MSR1: variants seen among roughly 807,000 people sequenced by gnomAD.
MSR1 encodes macrophage scavenger receptor 1.
MSR1 carries 53 observed loss-of-function variants against 47.2 expected under a neutral mutation model. That is an observed-to-expected ratio of 1.12 (90% confidence interval 0.90 to 1.41). The LOEUF (loss-of-function observed/expected upper bound fraction) is 1.41, where lower values mean the gene tolerates loss of function less well. Among genes scored for constraint, MSR1 ranks in the 40% most tolerant of loss-of-function variants. The pLI, the probability that MSR1 is intolerant of heterozygous loss-of-function variation, is 0.00. For synonymous variants in MSR1, 239 were observed against 185.6 expected (o/e 1.29, Z -2.34); for missense variants, 786 against 546.9 (o/e 1.44, Z -4.36).
chr8:16,170,347 CA>C (rs11300796), intron 3 of MSR1, among the ~76,000 whole-genome samples: 89,971 of 144,106 alleles, frequency 0.62, 27,622 homozygotes, highest in East Asian at 0.97. Flanking sequence ...GATTCCATCT[CA>C]AAAAAAAAAA....
intron 8 of MSR1, among the ~76,000 whole-genome samples, chr8:16,131,783 A>G (rs1198997483): frequency 1.3e-5 from 2 of 151,890 alleles, no homozygotes; most frequent in East Asian, 1.9e-4. Context: ...TCAAAGATCA[A>G]ATAGTTGTAG....
At chr8:16,117,396 C>T (rs1000229133) in intron 9 of MSR1, among the ~76,000 whole-genome samples, 15 of 152,168 alleles carry the variant, frequency 9.9e-5, no homozygotes, top group African/African-American at 2.6e-4. Flanking sequence ...AGAGGTGTGA[C>T]GGCACAGAGA....
At position 16,129,536 on chromosome 8, in the gene MSR1, A is replaced by T. The variant is rs113146193; in HGVS notation, c.1034-8930T>A. 2.9e-3 allele frequency among the ~76,000 whole-genome samples: 448 copies of T among 152,168 alleles called. 4 individuals carry two copies. Among genetic ancestry groups the T allele is most frequent in the African/African-American group, 9.5e-3 (393 of 41,536 alleles). ...CAAGGCAGGCAGATCATTTGAGTTT[A>T]GCAGTTAGAGACCAGCCTGGGCAAG... On this transcript the variant is annotated intron_variant, in intron 8 of 9. Transcript: ENST00000262101.
At chr8:16,136,026 G>A (rs1800380876) in intron 8 of MSR1, among the ~76,000 whole-genome samples, 1 of 152,162 alleles carries the variant, frequency 6.6e-6, no homozygotes. Context: ...ACCTACTCCT[G>A]AAGGGAAGAT....
intron 3 of MSR1, among the ~76,000 whole-genome samples, chr8:16,173,299 G>C (rs1217684676): frequency 1.3e-5 from 2 of 152,212 alleles, no homozygotes; most frequent in African/African-American, 4.8e-5. Flanking sequence ...CTCTGCACGA[G>C]CCTATCAGAA....
chr8:16,126,426 G>C (rs1254691004), intron 8 of MSR1, among the ~76,000 whole-genome samples: 2 of 151,968 alleles, frequency 1.3e-5, no homozygotes. Context: ...TTATTACAAT[G>C]GTAGTTATGA....
chr8:16,150,334 A>G, intron 6 of MSR1, 23 bp from the exon 7 acceptor site: 1 of 1,441,472 alleles, frequency 6.9e-7, no homozygotes, highest in Non-Finnish European at 9.5e-7. Context: ...CGAAGAAAAA[A>G]AGAAGGTAAT....
chr8:16,168,348 C>G, intron 4 of MSR1, 110 bp downstream of exon 4: 2 of 1,051,200 alleles, frequency 1.9e-6, no homozygotes, highest in South Asian at 2.7e-5. Flanking sequence ...TCAGGGTAAA[C>G]AGGATGATGA....
intron 1 of MSR1, among the ~76,000 whole-genome samples, chr8:16,183,527 C>T (rs187809133): frequency 6.9e-6 from 1 of 144,188 alleles, no homozygotes; most frequent in Non-Finnish European, 1.5e-5. Flanking sequence ...ACATCTATAA[C>T]ATGTAATACA....
chr8:16,126,344 T>C (rs1219196415), intron 8 of MSR1, among the ~76,000 whole-genome samples: 2 of 152,316 alleles, frequency 1.3e-5, no homozygotes, highest in East Asian at 3.9e-4. Flanking sequence ...TAACAGTTAT[T>C]ATCCTATTGT....
rs149060345 is a variant in MSR1 at position 16,131,761 on chromosome 8, T to G, written c.1034-11155A>C. Among the ~76,000 whole-genome samples the G allele has an allele frequency of 2.9e-3, 446 of 152,188 alleles. 1 individual carries two copies. Among genetic ancestry groups the G allele is most frequent in the African/African-American group, 0.01 (423 of 41,532 alleles). Reference sequence around the variant, plus strand: ...GGAGTCCTTTTCCTATTGCTTGTTTTTATCGGCTTTGTCAAAGATCAAATA... The same window carrying G: ...GGAGTCCTTTTCCTATTGCTTGTTTGTATCGGCTTTGTCAAAGATCAAATA... On this transcript the variant is annotated intron_variant, in intron 8 of 9. Transcript: ENST00000262101.
chr8:16,158,181 A>G (rs1047046809), intron 5 of MSR1, among the ~76,000 whole-genome samples: 1 of 151,978 alleles, frequency 6.6e-6, no homozygotes. Context: ...AATTTACATT[A>G]TTTTTCATCT....
At chr8:16,152,533 G>A (rs1042559816) in intron 6 of MSR1, among the ~76,000 whole-genome samples, 4 of 152,084 alleles carry the variant, frequency 2.6e-5, no homozygotes, top group African/African-American at 9.7e-5. Flanking sequence ...ACTGGTTGAT[G>A]ATGAAAAGTT....
intron 1 of MSR1, among the ~76,000 whole-genome samples, chr8:16,188,547 G>A (rs889152319): frequency 1.3e-5 from 2 of 151,980 alleles, no homozygotes; most frequent in African/African-American, 4.8e-5. Context: ...AGAACGTGCA[G>A]GTTTGCTACA....
chr8:16,184,311 A>T (rs1801930485), intron 1 of MSR1, among the ~76,000 whole-genome samples: 3 of 152,100 alleles, frequency 2.0e-5, no homozygotes, highest in Admixed American at 1.3e-4. Context: ...TACAACAGGC[A>T]AAAAAGGCTT....
intron 3 of MSR1, among the ~76,000 whole-genome samples, chr8:16,172,694 T>A (rs927679621): frequency 1.3e-5 from 2 of 152,082 alleles, no homozygotes; most frequent in African/African-American, 4.8e-5. Context: ...TATACATAAA[T>A]TCTTGATTTT....
At chr8:16,114,843 ATTCT>A (rs1255731609) in intron 9 of MSR1, among the ~76,000 whole-genome samples, 1 of 152,172 alleles carries the variant, frequency 6.6e-6, no homozygotes, top group African/African-American at 2.4e-5. Context: ...CAAAAATTAT[ATTCT>A]TTCTATAATG....
intron 5 of MSR1, among the ~76,000 whole-genome samples, chr8:16,163,272 T>G (rs1487056395): frequency 6.6e-6 from 1 of 151,608 alleles, no homozygotes; most frequent in Admixed American, 6.6e-5. Context: ...ATAGTGGAAA[T>G]AAATACAGTG....
At chr8:16,126,818 A>T (rs149776470) in intron 8 of MSR1, among the ~76,000 whole-genome samples, 1 of 152,114 alleles carries the variant, frequency 6.6e-6, no homozygotes, top group African/African-American at 2.4e-5. Flanking sequence ...TGGCCTCCCA[A>T]AGTACTGGGA....
Sources: gnomAD v4.1 joint callset for allele counts (sites outside exome capture counted in the v4.1 genomes callset) on GRCh38, gnomAD v4.1.1 for gene constraint, MANE v1.5 for transcripts, NCBI Gene and HGNC (gene_info 2026-07-23, HGNC 2026-07-21) for gene names.